RTL9: variants seen among roughly 807,000 people sequenced by gnomAD.
RTL9 encodes retrotransposon Gag like 9.
Under a neutral mutation model 44.7 loss-of-function variants are expected in RTL9, and 19 were observed. That is an observed-to-expected ratio of 0.42 (90% CI 0.30 to 0.62). RTL9 has a LOEUF of 0.62. RTL9 is among the 20% of genes least tolerant of loss of function. The pLI, the probability that RTL9 is intolerant of heterozygous loss-of-function variation, is 0.16. For synonymous variants in RTL9, 407 were observed against 398.9 expected (o/e 1.02, Z -0.24); for missense variants, 1,105 against 1,080.6 (o/e 1.02, Z -0.32).
intron 1 of RTL9, among the ~76,000 whole-genome samples, chrX:110,392,279 T>G (rs1296024114): frequency 9.7e-6 from 1 of 102,770 alleles, no homozygotes; most frequent in Non-Finnish European, 2.0e-5. Flanking sequence ...CAGGTTTTTT[T>G]TTTTTTTTTT....
chrX:110,451,692 A>T, exon 1 of RTL9: 2 of 1,211,634 alleles, frequency 1.7e-6, no homozygotes, highest in Non-Finnish European at 2.2e-6. Context: ...CTCTGGAGTG[A>T]TGCCCACCCA....
intron 1 of RTL9, among the ~76,000 whole-genome samples, chrX:110,361,015 T>C (rs910418856): frequency 9.0e-6 from 1 of 111,075 alleles, no homozygotes; most frequent in Non-Finnish European, 1.9e-5. Flanking sequence ...AATTTGTATC[T>C]CCATACTTTT....
intron 1 of RTL9, among the ~76,000 whole-genome samples, chrX:110,402,830 G>A (rs1254111308): frequency 8.9e-6 from 1 of 112,150 alleles, no homozygotes; most frequent in East Asian, 2.8e-4. Flanking sequence ...AATAGGTCCT[G>A]AAAGGGGGGT....
At chrX:110,438,610 G>A (rs185037205) in intron 1 of RTL9, among the ~76,000 whole-genome samples, 14 of 111,305 alleles carry the variant, frequency 1.3e-4, no homozygotes, top group African/African-American at 2.0e-4. Flanking sequence ...AATTCCTCCC[G>A]AGACTAGTTT....
chrX:110,373,448 C>A (rs993547390), intron 1 of RTL9, among the ~76,000 whole-genome samples: 3 of 111,635 alleles, frequency 2.7e-5, no homozygotes, highest in African/African-American at 6.5e-5. Flanking sequence ...AATGAAAAAC[C>A]GCCTGTAGAC....
At chrX:110,448,615 G>A (rs1459325748), upstream of RTL9, among the ~76,000 whole-genome samples, 2 of 94,835 alleles carry the variant, frequency 2.1e-5, no homozygotes, top group African/African-American at 7.8e-5. Context: ...CCTATATAGA[G>A]GCAGGAATCT....
chrX:110,375,545 A>G (rs900856842), intron 1 of RTL9, among the ~76,000 whole-genome samples: 1 of 105,577 alleles, frequency 9.5e-6, no homozygotes, highest in Non-Finnish European at 1.9e-5. Flanking sequence ...TAGATGAATG[A>G]ATGAATGAAT....
At chrX:110,408,614 T>TTACATGG (rs1478980886) in intron 1 of RTL9, among the ~76,000 whole-genome samples, 31 of 112,321 alleles carry the variant, frequency 2.8e-4, no homozygotes, top group Non-Finnish European at 3.2e-4. Flanking sequence ...ATATGGAAGA[T>TTACATGG]TACATGGTTA....
At chrX:110,368,563 A>C (rs1229393733) in intron 1 of RTL9, among the ~76,000 whole-genome samples, 1 of 112,333 alleles carries the variant, frequency 8.9e-6, no homozygotes, top group Non-Finnish European at 1.9e-5. Flanking sequence ...ACACTTTATC[A>C]GTGATACTTT....
intron 1 of RTL9, among the ~76,000 whole-genome samples, chrX:110,402,546 TC>T (rs889399822): frequency 8.0e-5 from 9 of 112,556 alleles, no homozygotes; most frequent in African/African-American, 2.9e-4. Context: ...GAGAGCTGTG[TC>T]CCCGGCTCCA....
At chrX:110,378,813 C>A (rs1023981615) in intron 1 of RTL9, among the ~76,000 whole-genome samples, 1 of 111,303 alleles carries the variant, frequency 9.0e-6, no homozygotes, top group South Asian at 3.9e-4. Flanking sequence ...CCCCGACCCC[C>A]GCTGCCCACT....
chrX:110,443,387 G>A (rs2068893029), intron 1 of RTL9, among the ~76,000 whole-genome samples: 1 of 111,541 alleles, frequency 9.0e-6, no homozygotes, highest in South Asian at 3.8e-4. Flanking sequence ...CTACAAATCT[G>A]TGTTTTAGCA....
At chrX:110,438,193 C>T (rs774336623) in intron 1 of RTL9, among the ~76,000 whole-genome samples, 1 of 111,207 alleles carries the variant, frequency 9.0e-6, no homozygotes, top group Non-Finnish European at 1.9e-5. Context: ...TCAGAACCTG[C>T]TTTCACGATG....
At chrX:110,396,839 T>C in intron 1 of RTL9, among the ~76,000 whole-genome samples, 1 of 112,194 alleles carries the variant, frequency 8.9e-6, no homozygotes, top group Non-Finnish European at 1.9e-5. Flanking sequence ...GTGTTTTCTG[T>C]TGCTGTTGAA....
chrX:110,369,820 G>C (rs1195585564), intron 1 of RTL9, among the ~76,000 whole-genome samples: 1 of 110,744 alleles, frequency 9.0e-6, no homozygotes. Flanking sequence ...CTTTTTAATA[G>C]CTACAGTTGT....
At chrX:110,403,452 A>G (rs961068338) in intron 1 of RTL9, among the ~76,000 whole-genome samples, 3 of 111,891 alleles carry the variant, frequency 2.7e-5, no homozygotes, top group African/African-American at 9.8e-5. Context: ...AGACAGACAG[A>G]CAGACACACA....
intron 1 of RTL9, among the ~76,000 whole-genome samples, chrX:110,425,231 C>T (rs1400426944): frequency 8.9e-6 from 1 of 112,538 alleles, no homozygotes; most frequent in African/African-American, 3.2e-5. Flanking sequence ...CCAGGAAGAG[C>T]TATACAAAAG....
At chrX:110,450,353 G>T (rs1016422070), upstream of RTL9, among the ~76,000 whole-genome samples, 2 of 111,596 alleles carry the variant, frequency 1.8e-5, no homozygotes, top group African/African-American at 6.5e-5. Context: ...AAACTGAGAG[G>T]CTGGGTTGGT....
intron 1 of RTL9, among the ~76,000 whole-genome samples, chrX:110,434,699 C>T (rs1273227326): frequency 2.7e-5 from 3 of 111,204 alleles, no homozygotes; most frequent in African/African-American, 9.8e-5. Context: ...GTTTGGAGTG[C>T]TGGATAGCGG....
Sources: gnomAD v4.1 joint callset for allele counts (sites outside exome capture counted in the v4.1 genomes callset) on GRCh38, gnomAD v4.1.1 for gene constraint, MANE v1.5 for transcripts, NCBI Gene and HGNC (gene_info 2026-07-23, HGNC 2026-07-21) for gene names.